Variants in C16orf96 observed in about 807,000 individuals in gnomAD.
C16orf96 encodes chromosome 16 open reading frame 96.
Under a neutral mutation model 103.6 loss-of-function variants are expected in C16orf96, and 108 were observed. The observed-to-expected ratio is 1.04, with a 90% CI of 0.89 to 1.22. C16orf96 has a LOEUF of 1.22. Among genes scored for constraint, C16orf96 ranks in the 50% most tolerant of loss-of-function variants. C16orf96 has a pLI of 0.00. For synonymous variants in C16orf96, 566 were observed against 593.5 expected (o/e 0.95, Z 0.67); for missense variants, 1,586 against 1,464.2 (o/e 1.08, Z -1.36).
chr16:4,593,323 AG>A lies in C16orf96; in HGVS notation c.2867+9del. On this transcript the variant is annotated splice_region_variant and intron_variant, in intron 12 of 15. Coordinates refer to ENST00000444310, the MANE Select transcript of C16orf96 (RefSeq NM_001145011.2). The surrounding 1 kb of genome is among the most constrained non-coding windows in gnomAD (Gnocchi z 4.2). ...TGCAGCGGCAACAGATGAGGTGAGC[AG>A]GATGGGCGCCCCGCAGGGAGGCCGC... The A allele has an allele frequency of 6.5e-7, 1 of 1,550,070 alleles. No individual in the cohort carries two copies.
In C16orf96 at chr16:4,593,668, G is replaced by A. The variant is rs1458625495; in HGVS notation, c.2867+352G>A. On this transcript the variant is annotated intron_variant, in intron 12 of 15. Coordinates refer to ENST00000444310, the MANE Select transcript of C16orf96 (RefSeq NM_001145011.2). This position sits in a 1 kb window ranked among gnomAD's most constrained non-coding sequence, Gnocchi z 4.2. ...TCGGTGATGATGGGGAACCCTCAGG[G>A]AGCCGCTGCTGTGCCCGGCAGGCAC... Among the ~76,000 whole-genome samples, 2 of 152,110 alleles carry A rather than the reference G, an allele frequency of 1.3e-5. No individual in the cohort carries two copies. The highest frequency in any genetic ancestry group is 2.9e-5 in the Non-Finnish European group (2 of 68,020).
intron 12 of C16orf96, among the ~76,000 whole-genome samples, chr16:4,594,126 G>A (rs185540088): frequency 7.2e-5 from 11 of 152,350 alleles, no homozygotes; most frequent in Admixed American, 7.2e-4. Flanking sequence ...GGTCCAAAGG[G>A]AAATGGCTGG....
chr16:4,550,873 T>G, the C16orf96 span, among the ~76,000 whole-genome samples: 2 of 152,182 alleles, frequency 1.3e-5, no homozygotes, highest in Non-Finnish European at 2.9e-5. Context: ...CAGCAAGAAC[T>G]GGGAAGGAGC....
rs998438959 is a variant in C16orf96, at chr16:4,576,459, A to G, written c.1979A>G (p.Asp660Gly). Residue 660 changes from aspartate to glycine, a missense_variant, in exon 5 of 16, where the codon GAT becomes GGT. By Grantham distance (94) the Asp-to-Gly change is moderately conservative. Coordinates refer to ENST00000444310, the MANE Select transcript of C16orf96 (RefSeq NM_001145011.2). ...TACTCTGCTGCCAGCATCGGTCCCG[A>G]TCCAGCCCTGTCCCAGGCCATGGTG... is the stretch of plus-strand genomic sequence containing the variant. ...PSYSAASIGP[D>G]PALSQAMVAT... 108 of 1,551,376 alleles carry G rather than the reference A, an allele frequency of 7.0e-5. No individual in the cohort carries two copies. Among genetic ancestry groups the G allele is most frequent in the Non-Finnish European group, 4.7e-5 (54 of 1,147,006 alleles).
At chr16:4,585,811 G>A (rs1048798119) in intron 7 of C16orf96, among the ~76,000 whole-genome samples, 3 of 152,168 alleles carry the variant, frequency 2.0e-5, no homozygotes, top group African/African-American at 7.2e-5. Flanking sequence ...GATGGAGGCC[G>A]GGGTCATTAT....
At position 4,575,558 on chromosome 16, in the gene C16orf96, C is replaced by A. The variant is rs1274208373; in HGVS notation, c.1078C>A (p.Pro360Thr). Residue 360 changes from proline (P) to threonine (T), a missense_variant, in exon 5 of 16, where the codon CCT becomes ACT. Physicochemically the swap from Pro to Thr is conservative, Grantham distance 38. Transcript: ENST00000444310. ...LGPVPGPSVT[P>T]GSLPAPWPVL... is the part of the protein sequence containing the mutation. ...GCCTGTCCCAGGGCCCAGTGTGACA[C>A]CTGGGTCCTTGCCAGCACCTTGGCC... 3 of 1,534,126 alleles carry A rather than the reference C, an allele frequency of 2.0e-6. No homozygotes were observed. The highest frequency in any genetic ancestry group is 2.8e-5 in the African/African-American group (2 of 72,670).
intron 7 of C16orf96, among the ~76,000 whole-genome samples, chr16:4,581,176 AT>A (rs2059583709): frequency 1.5e-5 from 2 of 129,352 alleles, no homozygotes; most frequent in Admixed American, 8.2e-5. Flanking sequence ...ATATATATAT[AT>A]ATATATAATT....
upstream of C16orf96, among the ~76,000 whole-genome samples, chr16:4,553,754 C>T (rs547393963): frequency 9.8e-5 from 15 of 152,320 alleles, no homozygotes; most frequent in South Asian, 2.9e-3. Flanking sequence ...GGATTACAGG[C>T]ATGAGCCACA....
chr16:4,594,256 G>C (rs1897120944), intron 12 of C16orf96, 95 bp from the exon 13 acceptor site: 2 of 1,382,956 alleles, frequency 1.4e-6, no homozygotes, highest in South Asian at 1.4e-5. Context: ...AAGAAATGCT[G>C]GTCTTCCCTC....
chr16:4,551,745 C>T (rs2059229352), upstream of C16orf96, among the ~76,000 whole-genome samples: 1 of 152,160 alleles, frequency 6.6e-6, no homozygotes. Context: ...AGCCACCGCG[C>T]CTGGCCATTT....
In C16orf96 at chr16:4,587,040, C is replaced by T. The variant is rs1896943112; in HGVS notation, c.2354C>T (p.Thr785Ile). 3 of 1,551,378 alleles carry T rather than the reference C, an allele frequency of 1.9e-6. No homozygotes were observed. The East Asian group carries it at 7.3e-5, about 38-fold the overall frequency. Reference protein sequence around the residue: ...NLQIRMDEFKTLQAQIKRLEM... With the variant: ...NLQIRMDEFKILQAQIKRLEM... ...ACATGCCTGTGCTTCTGTTCTTAGA[C>T]TCTCCAGGCTCAAATCAAAAGACTG... Residue 785 changes from threonine (T) to isoleucine (I), a missense_variant and splice_region_variant, in exon 8 of 16, where the codon ACT becomes ATT. By Grantham distance (89) the Thr-to-Ile change is moderately conservative. Transcript: ENST00000444310.
At chr16:4,592,067 C>T (rs1346519656) in intron 10 of C16orf96, among the ~76,000 whole-genome samples, 1 of 152,216 alleles carries the variant, frequency 6.6e-6, no homozygotes, top group African/African-American at 2.4e-5. Context: ...GGCAGAGGGA[C>T]CCAATATTTA....
the C16orf96 span, among the ~76,000 whole-genome samples, chr16:4,550,538 G>A: frequency 3.9e-5 from 6 of 152,208 alleles, no homozygotes; most frequent in African/African-American, 1.4e-4. Flanking sequence ...ACAAAATCAT[G>A]TACTCATTTT....
intron 7 of C16orf96, among the ~76,000 whole-genome samples, chr16:4,580,369 C>T (rs1300046044): frequency 3.6e-5 from 5 of 139,226 alleles, no homozygotes; most frequent in Non-Finnish European, 7.6e-5. Flanking sequence ...TTGACCACTG[C>T]GTCACCTGCC....
At chr16:4,547,714 T>TTCTTTCTTTCTTTCTTTCTC in the C16orf96 span, among the ~76,000 whole-genome samples, 1 of 133,710 alleles carries the variant, frequency 7.5e-6, no homozygotes, top group African/African-American at 2.7e-5. Context: ...CTTTCTTTCT[T>TTCTTTCTTTCTTTCTTTCTC]TCTTTCTTTC....
intron 1 of C16orf96, among the ~76,000 whole-genome samples, chr16:4,562,609 CAAAGCAATCCTTAAT>C (rs2059344341): frequency 6.6e-6 from 1 of 152,048 alleles, no homozygotes; most frequent in Admixed American, 6.6e-5. Flanking sequence ...GGTGGGCACA[CAAAGCAATCCTTAAT>C]AAAGTTGACA....
the C16orf96 span, among the ~76,000 whole-genome samples, chr16:4,546,457 C>CTG: frequency 1.9e-5 from 2 of 104,548 alleles, no homozygotes; most frequent in Non-Finnish European, 3.7e-5. Flanking sequence ...CGCGCCCGGA[C>CTG]TTTTTTTTTT....
At chr16:4,549,451 C>A in the C16orf96 span, among the ~76,000 whole-genome samples, 5 of 142,462 alleles carry the variant, frequency 3.5e-5, no homozygotes, top group African/African-American at 1.3e-4. Flanking sequence ...CCAGCCTGGG[C>A]GACAGAGCAA....
At chr16:4,565,651 G>A (rs758124281) in intron 1 of C16orf96, among the ~76,000 whole-genome samples, 3 of 152,120 alleles carry the variant, frequency 2.0e-5, no homozygotes, top group African/African-American at 4.8e-5. Flanking sequence ...ACCACACCCG[G>A]CTAATTTTTG....
Sources: allele counts gnomAD v4.1 joint callset (sites outside exome capture counted in the v4.1 genomes callset), GRCh38; gene constraint gnomAD v4.1.1; non-coding constraint Gnocchi (gnomAD v3.1); transcripts MANE v1.5; gene names NCBI Gene and HGNC (gene_info 2026-07-23, HGNC 2026-07-21).